LEPR: variants seen among roughly 807,000 people sequenced by gnomAD.
LEPR encodes the protein OB receptor.
Under a neutral mutation model 114.7 loss-of-function variants are expected in LEPR, and 56 were observed. The ratio of observed to expected loss-of-function variants is 0.49; its 90% CI spans 0.39 to 0.61. LEPR has a LOEUF of 0.61. Ranked by LOEUF, LEPR falls within the 20% of genes least tolerant of loss-of-function variation. LEPR has a pLI of 0.00. For synonymous variants in LEPR, 443 were observed against 461.4 expected, an observed-to-expected ratio of 0.96 and a Z score of 0.51; for missense variants, 1,202 against 1,352.9, an observed-to-expected ratio of 0.89 and a Z score of 1.75.
intron 2 of LEPR, among the ~76,000 whole-genome samples, chr1:65,495,664 G>A (rs1648117959): frequency 6.6e-6 from 1 of 152,174 alleles, no homozygotes; most frequent in Non-Finnish European, 1.5e-5. Flanking sequence ...TCCATCAACA[G>A]ATGAATTGAT....
At chr1:65,527,872 T>A (rs554948299) in intron 2 of LEPR, among the ~76,000 whole-genome samples, 59 of 152,296 alleles carry the variant, frequency 3.9e-4, no homozygotes, top group African/African-American at 1.3e-3. Flanking sequence ...GAACAGGGAA[T>A]CGTAGAACTC....
chr1:65,616,347 A>G (rs553438131), intron 15 of LEPR, 123 bp downstream of exon 15: 2 of 1,037,864 alleles, frequency 1.9e-6, no homozygotes, highest in Non-Finnish European at 2.8e-6. Context: ...TCTCTCTTTC[A>G]CCTTTCATTT....
intron 2 of LEPR, among the ~76,000 whole-genome samples, chr1:65,531,702 A>G (rs1172965721): frequency 1.3e-5 from 2 of 152,114 alleles, no homozygotes; most frequent in East Asian, 3.9e-4. Context: ...GATATATTCA[A>G]TTCTATAAAT....
chr1:65,528,890 C>T lies in LEPR; in HGVS notation c.-20-36656C>T, dbSNP rs540716630. Among the ~76,000 whole-genome samples the T allele has an allele frequency of 1.5e-4, 23 of 152,186 alleles. 1 individual carries two copies. The East Asian group carries it at 3.9e-3, about 26-fold the overall frequency. ...CTCGATCCCAGCTCACTGCAACCTCCGCCTCCCAGGTTCAAGCGATTCTCC... is the reference window on the plus strand; with the variant it reads ...CTCGATCCCAGCTCACTGCAACCTCTGCCTCCCAGGTTCAAGCGATTCTCC... On this transcript the variant is annotated intron_variant, in intron 2 of 19. Coordinates refer to ENST00000349533, the MANE Select transcript of LEPR (RefSeq NM_002303.6).
chr1:65,619,643 A>C (rs1220582437), intron 16 of LEPR, among the ~76,000 whole-genome samples: 3 of 152,192 alleles, frequency 2.0e-5, no homozygotes, highest in Non-Finnish European at 2.9e-5. Context: ...TACACCCTGC[A>C]CTTGAACAAA....
intron 2 of LEPR, among the ~76,000 whole-genome samples, chr1:65,516,118 T>C (rs2100565564): frequency 6.6e-6 from 1 of 152,324 alleles, no homozygotes; most frequent in Admixed American, 6.5e-5. Flanking sequence ...AGGCTTTCAT[T>C]AAGTCAACTT....
chr1:65,476,879 G>T (rs1647165847), intron 2 of LEPR, among the ~76,000 whole-genome samples: 1 of 152,148 alleles, frequency 6.6e-6, no homozygotes, highest in African/African-American at 2.4e-5. Flanking sequence ...AAGGTGCGAA[G>T]AAAACAATTT....
At position 65,455,791 on chromosome 1, in the gene LEPR, G is replaced by T. The variant is rs554321475; in HGVS notation, c.-21+30413G>T. On this transcript the variant is annotated intron_variant, in intron 2 of 19. Transcript: ENST00000349533. ...CCTACAGAGGCAGGCAGGCCTCTTT[G>T]AGCTGTGGTGGGCTCCACCCAGTTC... is the stretch of plus-strand genomic sequence containing the variant. Among the ~76,000 whole-genome samples the T allele has an allele frequency of 2.9e-4, 44 of 152,338 alleles. No individual in the cohort carries two copies. In the East Asian group the frequency reaches 7.9e-3, roughly 27 times the overall value.
intron 2 of LEPR, among the ~76,000 whole-genome samples, chr1:65,495,471 A>T (rs1648105318): frequency 6.6e-6 from 1 of 152,196 alleles, no homozygotes; most frequent in African/African-American, 2.4e-5. Flanking sequence ...TAGTGCAGCC[A>T]TTATAGAAAA....
At chr1:65,614,685 T>A (rs1179969444) in intron 14 of LEPR, among the ~76,000 whole-genome samples, 1 of 152,200 alleles carries the variant, frequency 6.6e-6, no homozygotes, top group Non-Finnish European at 1.5e-5. Flanking sequence ...ATGATCCATG[T>A]GGCAATGAAT....
chr1:65,513,004 G>C (rs921061983), intron 2 of LEPR, among the ~76,000 whole-genome samples: 1 of 152,184 alleles, frequency 6.6e-6, no homozygotes, highest in Non-Finnish European at 1.5e-5. Flanking sequence ...CCATCTGGAA[G>C]GAAAAAGCTC....
intron 5 of LEPR, among the ~76,000 whole-genome samples, chr1:65,581,522 A>G (rs1654989021): frequency 1.3e-5 from 2 of 151,018 alleles, no homozygotes; most frequent in Admixed American, 1.3e-4. Flanking sequence ...CTGCTAATAC[A>G]CTTCTCTCAC....
In LEPR at chr1:65,635,357, T is replaced by G. The variant is rs565408460; in HGVS notation, c.2674-834T>G. 6 of 984,862 alleles carry G rather than the reference T, an allele frequency of 6.1e-6. No individual in the cohort carries two copies. The African/African-American group carries it at 1.0e-4, about 17-fold the overall frequency. The allele number at this position is 984,862 out of a possible 1,614,324, so 61.0% of individuals were successfully genotyped here. On this transcript the variant is annotated intron_variant, in intron 19 of 19. Transcript: ENST00000349533. ...ATGAATTGAGCTTTTTGCCCACAGATTCTTGATTTGTAGTTGTTTGGCAGG... is the reference window on the plus strand; with the variant it reads ...ATGAATTGAGCTTTTTGCCCACAGAGTCTTGATTTGTAGTTGTTTGGCAGG...
chr1:65,436,677 C>T (rs1646567561), intron 2 of LEPR, among the ~76,000 whole-genome samples: 3 of 152,198 alleles, frequency 2.0e-5, no homozygotes, highest in Admixed American at 6.5e-5. Flanking sequence ...TGAGATTGCT[C>T]ATTTGGAGAA....
chr1:65,631,456 C>A (rs1658518305), intron 19 of LEPR, among the ~76,000 whole-genome samples: 1 of 152,134 alleles, frequency 6.6e-6, no homozygotes, highest in African/African-American at 2.4e-5. Context: ...TCTTTGCTCA[C>A]CTTCTTTGAT....
At chr1:65,508,505 G>T (rs927804310) in intron 2 of LEPR, among the ~76,000 whole-genome samples, 4 of 152,128 alleles carry the variant, frequency 2.6e-5, no homozygotes, top group Non-Finnish European at 4.4e-5. Context: ...TAGATGTATA[G>T]GTTTATTCCT....
intron 2 of LEPR, among the ~76,000 whole-genome samples, chr1:65,540,133 A>G (rs1008509813): frequency 1.3e-5 from 2 of 152,308 alleles, no homozygotes; most frequent in African/African-American, 4.8e-5. Context: ...TTACATGTGC[A>G]GACCAAAATG....
chr1:65,495,647 C>T (rs1395187593), intron 2 of LEPR, among the ~76,000 whole-genome samples: 1 of 152,054 alleles, frequency 6.6e-6, no homozygotes, highest in East Asian at 1.9e-4. Flanking sequence ...TGGAATCAAC[C>T]TAAGTGTCCA....
At chr1:65,635,352 A>G in intron 19 of LEPR, 1 of 984,736 alleles carries the variant, frequency 1.0e-6, no homozygotes, top group Non-Finnish European at 1.2e-6. Context: ...CTTTTTGCCC[A>G]CAGATTCTTG....
Sources: allele counts gnomAD v4.1 joint callset (sites outside exome capture counted in the v4.1 genomes callset), GRCh38; gene constraint gnomAD v4.1.1; transcripts MANE v1.5; gene names NCBI Gene and HGNC (gene_info 2026-07-23, HGNC 2026-07-21).